The following KCNQ1 variants were observed in gnomAD, a reference collection of about 807,000 sequenced individuals.
The protein encoded by KCNQ1 is potassium voltage-gated channel subfamily Q member 1.
Under a neutral mutation model 72.4 loss-of-function variants are expected in KCNQ1, and 49 were observed. That is an observed-to-expected ratio of 0.68 (90% CI 0.54 to 0.86). KCNQ1 has a LOEUF of 0.86. KCNQ1 is among the 40% of genes least tolerant of loss of function. The pLI is 0.00. For synonymous variants in KCNQ1, 450 were observed against 412.6 expected (o/e 1.09, Z -1.10); for missense variants, 790 against 945.1 (o/e 0.84, Z 2.15).
chr11:2,652,821 G>A lies in KCNQ1; in HGVS notation c.1394-9140G>A, dbSNP rs899757229. On this transcript the variant is annotated intron_variant, in intron 10 of 15. Transcript: ENST00000155840. The surrounding 1 kb of genome is among the most constrained non-coding windows in gnomAD (Gnocchi z 5.9). Reference sequence around the variant, plus strand: ...CCCTTGGGCCTGCAGAGACATTTCCGTTCACTCTGAGATTTGTGTATGCTG... The same window carrying A: ...CCCTTGGGCCTGCAGAGACATTTCCATTCACTCTGAGATTTGTGTATGCTG... 27 of 398,848 alleles carry A rather than the reference G, an allele frequency of 6.8e-5. No individual in the cohort carries two copies. The highest frequency in any genetic ancestry group is 1.3e-4 in the Admixed American group (3 of 22,716). 24.7% of individuals were successfully genotyped at this position (398,848 alleles called of 1,614,324 possible).
chr11:2,697,332 T>A (rs1850694486), intron 11 of KCNQ1: 1 of 398,480 alleles, frequency 2.5e-6, no homozygotes, highest in East Asian at 3.6e-5. Context: ...ATCAACCCTA[T>A]GAGCTACACT....
rs115434207 is a variant in KCNQ1, at chr11:2,772,689, G to C, written c.1591-3271G>C. 6.4e-3 allele frequency among the ~76,000 whole-genome samples: 979 copies of C among 152,264 alleles called. 13 individuals carry two copies. Among genetic ancestry groups the C allele is most frequent in the African/African-American group, 0.023 (938 of 41,548 alleles). Reference sequence around the variant, plus strand: ...TCTGCTGATAGGCCCACCCAGCCCTGCTCCTGCAGACGTGCACACACTCAG... The same window carrying C: ...TCTGCTGATAGGCCCACCCAGCCCTCCTCCTGCAGACGTGCACACACTCAG... On this transcript the variant is annotated intron_variant, in intron 12 of 15. Coordinates refer to ENST00000155840, the MANE Select transcript of KCNQ1 (RefSeq NM_000218.3). This position sits in a 1 kb window ranked among gnomAD's most constrained non-coding sequence, Gnocchi z 6.6.
At position 2,571,406 on chromosome 11, in the gene KCNQ1, G is replaced by A. The variant is rs1025802726; in HGVS notation, c.683+3G>A. The stretch of plus-strand genomic sequence containing the variant: ...GTGTTTGCCACGTCGGCCATCAGGT[G>A]CGTCTGTGCCACAAGCTCCCCCCGC... On this transcript the variant is annotated splice_donor_region_variant and intron_variant, in intron 4 of 15. Transcript: ENST00000155840. 26 of 1,609,642 alleles carry A rather than the reference G, an allele frequency of 1.6e-5. No individual in the cohort carries two copies. The highest frequency in any genetic ancestry group is 4.0e-5 in the African/African-American group (3 of 74,862).
In KCNQ1 at chr11:2,730,655, T is replaced by C. The variant is rs1845841868; in HGVS notation, c.1515-38189T>C. Among the ~76,000 whole-genome samples, 3 of 152,158 alleles carry C rather than the reference T, an allele frequency of 2.0e-5. No homozygotes were observed. In the South Asian group the frequency reaches 6.2e-4, roughly 32 times the overall value. Reference sequence around the variant, plus strand: ...TGTCCCTAGGCATCCAGTGCAGAGGTGAGACCTGTATGGCCACAGAGTCTC... The same window carrying C: ...TGTCCCTAGGCATCCAGTGCAGAGGCGAGACCTGTATGGCCACAGAGTCTC... On this transcript the variant is annotated intron_variant, in intron 11 of 15. Transcript: ENST00000155840.
chr11:2,561,213 A>G (rs1848161467), intron 2 of KCNQ1, among the ~76,000 whole-genome samples: 1 of 149,994 alleles, frequency 6.7e-6, no homozygotes, highest in South Asian at 2.1e-4. Context: ...AAAAAAAAAA[A>G]AAGAAAAAAA....
rs913360931 is a variant in KCNQ1, at chr11:2,826,722, C to T, written c.1795-21045C>T. ...GCACGGGGCTCCCCTGGGCACCCCT[C>T]GTCTTGGGGCCCCTGCCCTGCCTCC... On this transcript the variant is annotated intron_variant, in intron 15 of 15. Coordinates refer to ENST00000155840, the MANE Select transcript of KCNQ1 (RefSeq NM_000218.3). The surrounding 1 kb of genome is among the most constrained non-coding windows in gnomAD (Gnocchi z 4.2). 3.9e-5 allele frequency among the ~76,000 whole-genome samples: 6 copies of T among 152,222 alleles called. No homozygotes were observed. Among genetic ancestry groups the T allele is most frequent in the African/African-American group, 9.6e-5 (4 of 41,474 alleles).
Position 2,447,117 on chromosome 11 carries a change from C to A in KCNQ1, c.386+1633C>A, listed in dbSNP as rs2133562668. Among the ~76,000 whole-genome samples, 1 of 152,328 alleles carries A rather than the reference C, an allele frequency of 6.6e-6. No homozygotes were observed. Among genetic ancestry groups the A allele is most frequent in the Non-Finnish European group, 1.5e-5 (1 of 68,040 alleles). ...CACATGCCTCCGGGCTCACTGCAGC[C>A]ACCCGTGTGGAGGAAGAGGAGGAAG... On this transcript the variant is annotated intron_variant, in intron 1 of 15. Coordinates refer to ENST00000155840, the MANE Select transcript of KCNQ1 (RefSeq NM_000218.3). This position sits in a 1 kb window ranked among gnomAD's most constrained non-coding sequence, Gnocchi z 7.6.
intron 15 of KCNQ1, among the ~76,000 whole-genome samples, chr11:2,804,032 A>G (rs1437048950): frequency 6.6e-6 from 1 of 152,150 alleles, no homozygotes; most frequent in Non-Finnish European, 1.5e-5. Flanking sequence ...AAAGGACGGG[A>G]TGGCGGGTGA....
intron 11 of KCNQ1, among the ~76,000 whole-genome samples, chr11:2,758,286 A>G (rs1408803902): frequency 2.6e-5 from 4 of 152,266 alleles, no homozygotes; most frequent in Non-Finnish European, 5.9e-5. Context: ...TAAATAGGGA[A>G]GAAGTACACC....
Position 2,691,074 on chromosome 11 carries a change from G to A in KCNQ1, c.1514+28993G>A, listed in dbSNP as rs1336022009. ...TGAGGGAAATAATGGAGGCACCTTT[G>A]TTCTAGATGCCTGCAGATTCCTGAC... is the stretch of plus-strand genomic sequence containing the variant. On this transcript the variant is annotated intron_variant, in intron 11 of 15. Coordinates refer to ENST00000155840, the MANE Select transcript of KCNQ1 (RefSeq NM_000218.3). This position sits in a 1 kb window ranked among gnomAD's most constrained non-coding sequence, Gnocchi z 6.4. 1 of 398,564 alleles carries A rather than the reference G, an allele frequency of 2.5e-6. No individual in the cohort carries two copies. The highest frequency in any genetic ancestry group is 4.4e-6 in the Non-Finnish European group (1 of 226,116). 24.7% of individuals were successfully genotyped at this position (398,564 alleles called of 1,614,324 possible).
At chr11:2,717,837 C>T (rs1375690903) in intron 11 of KCNQ1, among the ~76,000 whole-genome samples, 1 of 152,136 alleles carries the variant, frequency 6.6e-6, no homozygotes, top group Non-Finnish European at 1.5e-5. Context: ...AGACCTTGGG[C>T]CAGAGGAACC....
At chr11:2,530,443 G>A (rs1224105890) in intron 2 of KCNQ1, among the ~76,000 whole-genome samples, 1 of 152,246 alleles carries the variant, frequency 6.6e-6, no homozygotes, top group Non-Finnish European at 1.5e-5. Context: ...AAGGATGCCA[G>A]TGGTTCCCAG....
In KCNQ1 at chr11:2,564,686, C is replaced by A. The variant is rs901602331; in HGVS notation, c.478-5942C>A. 6.6e-6 allele frequency among the ~76,000 whole-genome samples: 1 copy of A among 152,214 alleles called. No individual in the cohort carries two copies. Among genetic ancestry groups the A allele is most frequent in the African/African-American group, 2.4e-5 (1 of 41,460 alleles). ...CCATCGCCACCATCCAGCTCCAGAG[C>A]TTTTTTCATCTTGCAAAACTGATGA... is the stretch of plus-strand genomic sequence containing the variant. On this transcript the variant is annotated intron_variant, in intron 2 of 15. Coordinates refer to ENST00000155840, the MANE Select transcript of KCNQ1 (RefSeq NM_000218.3). This position sits in a 1 kb window ranked among gnomAD's most constrained non-coding sequence, Gnocchi z 4.5.
intron 11 of KCNQ1, among the ~76,000 whole-genome samples, chr11:2,730,331 G>A (rs1246363566): frequency 1.3e-5 from 2 of 152,218 alleles, no homozygotes; most frequent in Non-Finnish European, 2.9e-5. Flanking sequence ...TAAGTGACAC[G>A]TTTATTATCT....
intron 1 of KCNQ1, among the ~76,000 whole-genome samples, chr11:2,455,020 A>G (rs1024141375): frequency 1.3e-5 from 2 of 152,186 alleles, no homozygotes; most frequent in African/African-American, 4.8e-5. Context: ...TACCTAGAAA[A>G]CCCTAAAGAG....
At chr11:2,842,878 A>G (rs921172957) in intron 15 of KCNQ1, among the ~76,000 whole-genome samples, 1 of 152,218 alleles carries the variant, frequency 6.6e-6, no homozygotes, top group Non-Finnish European at 1.5e-5. Flanking sequence ...CTCCTGGGGA[A>G]GGTGCTACAG....
Position 2,848,098 on chromosome 11 carries a change from C to G in KCNQ1, c.*95C>G, listed in dbSNP as rs1207235256. 8.6e-6 allele frequency: 9 copies of G among 1,051,182 alleles called. No homozygotes were observed. The Admixed American group carries it at 1.4e-4, about 16-fold the overall frequency. 65.1% of individuals were successfully genotyped at this position (1,051,182 alleles called of 1,614,324 possible). A position where few individuals can be genotyped will look rare whatever the true frequency, so the allele number is the denominator to read the frequency against. ...CTGAAGGAGGCCACCTCCTAAAAGGCCCAGAGAGAAGAGCCCCACTCTCAG... is the reference window on the plus strand; with the variant it reads ...CTGAAGGAGGCCACCTCCTAAAAGGGCCAGAGAGAAGAGCCCCACTCTCAG... On this transcript the variant is annotated 3_prime_UTR_variant, in exon 16 of 16. Transcript: ENST00000155840.
At chr11:2,465,462 C>T (rs1441053960) in intron 1 of KCNQ1, among the ~76,000 whole-genome samples, 2 of 152,234 alleles carry the variant, frequency 1.3e-5, no homozygotes, top group Non-Finnish European at 2.9e-5. Context: ...ACGGCCCCCA[C>T]CAGGGCTGAG....
intron 1 of KCNQ1, among the ~76,000 whole-genome samples, chr11:2,514,962 C>T (rs1241941666): frequency 2.6e-5 from 4 of 152,234 alleles, no homozygotes; most frequent in African/African-American, 9.6e-5. Context: ...TGTCCTTCCG[C>T]ACCTCGCCCC....
Sources: gnomAD v4.1 joint callset for allele counts (sites outside exome capture counted in the v4.1 genomes callset) on GRCh38, gnomAD v4.1.1 for gene constraint, Gnocchi (gnomAD v3.1) non-coding constraint, MANE v1.5 for transcripts, NCBI Gene and HGNC (gene_info 2026-07-23, HGNC 2026-07-21) for gene names.